ATP11A: variants seen among roughly 807,000 people sequenced by gnomAD.
The protein encoded by ATP11A is phospholipid-transporting ATPase IH.
In ATP11A, 81 loss-of-function variants were observed where a neutral mutation model predicts 154.4. The ratio of observed to expected loss-of-function variants is 0.52; its 90% confidence interval spans 0.44 to 0.63. The LOEUF (loss-of-function observed/expected upper bound fraction) is 0.63, where lower values mean the gene tolerates loss of function less well. Ranked by LOEUF, ATP11A falls within the 30% of genes least tolerant of loss-of-function variation. ATP11A has a pLI of 0.00. For missense variants in ATP11A, 1,316 were observed against 1,474.3 expected, an observed-to-expected ratio of 0.89 and a Z score of 1.76; for synonymous variants, 623 against 585.9, an observed-to-expected ratio of 1.06 and a Z score of -0.91.
rs1471489972 is a variant in ATP11A, at chr13:112,855,931, A to G, written c.2264A>G (p.Asp755Gly). 1 of 1,613,424 alleles carries G rather than the reference A, an allele frequency of 6.2e-7. No individual in the cohort carries two copies. The highest frequency in any genetic ancestry group is 8.5e-7 in the Non-Finnish European group (1 of 1,179,610). ...AACAGACTTTCAGCAGATATGCAGG[A>G]CTACGGTTTAATTATCGACGGAGCT... is the stretch of plus-strand genomic sequence containing the variant. Reference protein sequence around the residue: ...NLSGLSADMQDYGLIIDGAAL... With the variant: ...NLSGLSADMQGYGLIIDGAAL... The change falls in exon 20 of 30, where the codon GAC (aspartate) becomes GGC (glycine). Residue 755 changes from aspartate (D) to glycine (G), a missense_variant. Transcript: ENST00000375645.
intron 1 of ATP11A, among the ~76,000 whole-genome samples, chr13:112,752,756 C>T (rs540627309): frequency 4.5e-4 from 69 of 152,318 alleles, no homozygotes; most frequent in African/African-American, 1.3e-3. Flanking sequence ...AATTTACTTT[C>T]CACCGCCGAT....
intron 1 of ATP11A, among the ~76,000 whole-genome samples, chr13:112,766,080 C>A (rs2077070088): frequency 6.6e-6 from 1 of 152,000 alleles, no homozygotes; most frequent in African/African-American, 2.4e-5. Flanking sequence ...GATGTGCCCA[C>A]CTGCTTGAGG....
intron 1 of ATP11A, among the ~76,000 whole-genome samples, chr13:112,782,293 C>T (rs540523695): frequency 1.3e-5 from 2 of 152,194 alleles, no homozygotes; most frequent in South Asian, 2.1e-4. Flanking sequence ...CAATGCCACA[C>T]GGCTCCAGGG....
At chr13:112,847,086 CAG>C (rs1205835615) in intron 17 of ATP11A, among the ~76,000 whole-genome samples, 2 of 152,242 alleles carry the variant, frequency 1.3e-5, no homozygotes, top group Non-Finnish European at 2.9e-5. Context: ...CCCCATAACT[CAG>C]GGAATTCACT....
Position 112,859,450 on chromosome 13 carries a change from C to G in ATP11A, c.2725C>G (p.Gln909Glu), listed in dbSNP as rs745562767. 4.3e-6 allele frequency: 7 copies of G among 1,613,104 alleles called. No individual in the cohort carries two copies. Among genetic ancestry groups the G allele is most frequent in the Non-Finnish European group, 5.9e-6 (7 of 1,179,066 alleles). The part of the protein sequence containing the change: ...LYQFFCGFSQ[Q>E]TLYDTAYLTL... ...CCAGTTCTTCTGTGGGTTTTCACAA[C>G]AGGTCAGTCCTAGGGTCTTCAGGGA... The change falls in exon 23 of 30, where the codon CAG becomes GAG. Residue 909 changes from glutamine to glutamate, a missense_variant and splice_region_variant. Gln to Glu is a conservative substitution (Grantham distance 29, BLOSUM62 2). Transcript: ENST00000375645. This position sits in a 1 kb window ranked among gnomAD's most constrained non-coding sequence, Gnocchi z 4.3.
chr13:112,803,516 G>A (rs776182376), intron 2 of ATP11A, among the ~76,000 whole-genome samples: 1 of 152,178 alleles, frequency 6.6e-6, no homozygotes, highest in East Asian at 1.9e-4. Context: ...TCTTCATTAC[G>A]GCGTAAAAAC....
At chr13:112,762,658 T>C in intron 1 of ATP11A, among the ~76,000 whole-genome samples, 1 of 152,206 alleles carries the variant, frequency 6.6e-6, no homozygotes, top group East Asian at 1.9e-4. Context: ...TTAACTCCCA[T>C]GTCCCTGTGG....
chr13:112,693,804 T>C (rs1885478989), intron 1 of ATP11A, among the ~76,000 whole-genome samples: 1 of 151,988 alleles, frequency 6.6e-6, no homozygotes, highest in South Asian at 2.1e-4. Flanking sequence ...ATACAAAAAT[T>C]AGCCGGGCAT....
intron 1 of ATP11A, among the ~76,000 whole-genome samples, chr13:112,736,375 G>C (rs1891004641): frequency 6.6e-6 from 1 of 152,204 alleles, no homozygotes; most frequent in Admixed American, 6.5e-5. Context: ...CAAAAAATCA[G>C]CTAACTTTAT....
At position 112,825,976 on chromosome 13, in the gene ATP11A, C is replaced by G. The variant is rs139645762; in HGVS notation, c.1023+396C>G. 4.1e-3 allele frequency among the ~76,000 whole-genome samples: 630 copies of G among 152,344 alleles called. 11 individuals carry two copies. Among genetic ancestry groups the G allele is most frequent in the African/African-American group, 0.015 (611 of 41,578 alleles). On this transcript the variant is annotated intron_variant, in intron 11 of 29. Coordinates refer to ENST00000375645, the MANE Select transcript of ATP11A (RefSeq NM_015205.3). ...ATGTGCAAACCGAGACCTGTGTCCA[C>G]TGAGCCTAGAGCAGGACTGTGTGCA...
rs1005218283 is a variant in ATP11A at position 112,810,796 on chromosome 13, T to C, written c.441+70T>C. 19 of 1,396,182 alleles carry C rather than the reference T, an allele frequency of 1.4e-5. No homozygotes were observed. The East Asian group carries it at 3.0e-4, about 22-fold the overall frequency. The allele number at this position is 1,396,182 out of a possible 1,614,324, so 86.5% of individuals were successfully genotyped here. A position where few individuals can be genotyped will look rare whatever the true frequency, so the allele number is the denominator to read the frequency against. ...GTTTAAAAAATAAGTTTTACCCAGG[T>C]GCAGTGGCTCGCGCCTCCAGTCCCA... On this transcript the variant is annotated intron_variant, in intron 5 of 29. Transcript: ENST00000375645.
At chr13:112,711,985 C>T (rs1289765449) in intron 1 of ATP11A, among the ~76,000 whole-genome samples, 4 of 152,182 alleles carry the variant, frequency 2.6e-5, no homozygotes, top group Non-Finnish European at 4.4e-5. Flanking sequence ...TCTCCCAGCC[C>T]TGTTGTCTGG....
intron 27 of ATP11A, 124 bp downstream of exon 27, chr13:112,873,800 T>A: frequency 1.1e-6 from 1 of 915,418 alleles, no homozygotes; most frequent in Non-Finnish European, 1.7e-6. Context: ...GTTGAATGGC[T>A]GCTGTGTGCT....
Position 112,690,793 on chromosome 13 carries a change from G to C in ATP11A, c.39+338G>C, listed in dbSNP as rs1188048341. 1.3e-5 allele frequency among the ~76,000 whole-genome samples: 2 copies of C among 152,122 alleles called. No homozygotes were observed. Among genetic ancestry groups the C allele is most frequent in the African/African-American group, 2.4e-5 (1 of 41,444 alleles). ...GGGGTTCGAGCTGTCCCGGCGGACCGGGCGCCCGGAGGGAGCCAACTTCGA... is the reference window on the plus strand; with the variant it reads ...GGGGTTCGAGCTGTCCCGGCGGACCCGGCGCCCGGAGGGAGCCAACTTCGA... On this transcript the variant is annotated intron_variant, in intron 1 of 29. Transcript: ENST00000375645. This position sits in a 1 kb window ranked among gnomAD's most constrained non-coding sequence, Gnocchi z 5.6.
chr13:112,784,321 G>C lies in ATP11A; in HGVS notation c.40-814G>C, dbSNP rs76562544. On this transcript the variant is annotated intron_variant, in intron 1 of 29. Transcript: ENST00000375645. ...TGGTAAACTGATATTCACACCGCGG[G>C]CATGTCTTATGGAAAGCTGCCTCTG... 3.3e-5 allele frequency among the ~76,000 whole-genome samples: 5 copies of C among 152,262 alleles called. No homozygotes were observed. In the South Asian group the frequency reaches 1.0e-3, roughly 32 times the overall value.
At chr13:112,796,466 C>T (rs9604453) in intron 2 of ATP11A, among the ~76,000 whole-genome samples, 2,109 of 152,282 alleles carry the variant, frequency 0.014, 54 homozygotes, top group African/African-American at 0.047. Flanking sequence ...GTCCGAGCTA[C>T]GACTGGCTTC....
At chr13:112,759,780 C>T (rs1053400380) in intron 1 of ATP11A, among the ~76,000 whole-genome samples, 5 of 151,984 alleles carry the variant, frequency 3.3e-5, no homozygotes, top group Non-Finnish European at 4.4e-5. Flanking sequence ...AAGTCAATTC[C>T]GAAATGGCAA....
At chr13:112,813,071 G>A (rs1014977396) in intron 5 of ATP11A, among the ~76,000 whole-genome samples, 1 of 152,216 alleles carries the variant, frequency 6.6e-6, no homozygotes, top group African/African-American at 2.4e-5. Flanking sequence ...CCAAGAGGAT[G>A]CTAAACAGGC....
chr13:112,761,347 T>A (rs568995811), intron 1 of ATP11A, among the ~76,000 whole-genome samples: 2 of 152,214 alleles, frequency 1.3e-5, no homozygotes, highest in Non-Finnish European at 2.9e-5. Context: ...CAGGAGATGT[T>A]GTTATGTTGC....
Sources: gnomAD v4.1 joint callset for allele counts (sites outside exome capture counted in the v4.1 genomes callset) on GRCh38, gnomAD v4.1.1 for gene constraint, Gnocchi (gnomAD v3.1) non-coding constraint, MANE v1.5 for transcripts, NCBI Gene and HGNC (gene_info 2026-07-23, HGNC 2026-07-21) for gene names.